The following CYP2A13 variants were observed in gnomAD, a reference collection of about 807,000 sequenced individuals.
CYP2A13 encodes cytochrome P450 2A13.
Under a neutral mutation model 39.4 loss-of-function variants are expected in CYP2A13, and 30 were observed. The ratio of observed to expected loss-of-function variants is 0.76; its 90% CI spans 0.57 to 1.03. The LOEUF (loss-of-function observed/expected upper bound fraction) is 1.03, where lower values mean the gene tolerates loss of function less well. Among genes scored for constraint, CYP2A13 ranks in the 50% least tolerant of loss-of-function variants. The pLI is 0.00. For synonymous variants in CYP2A13, 269 were observed against 254.7 expected, an observed-to-expected ratio of 1.06 and a Z score of -0.54; for missense variants, 731 against 648.4, an observed-to-expected ratio of 1.13 and a Z score of -1.38.
chr19:41,090,304 G>C (rs2031159241), intron 3 of CYP2A13, 100 bp from the exon 4 acceptor site: 3 of 1,580,858 alleles, frequency 1.9e-6, no homozygotes, highest in Admixed American at 3.5e-5. Context: ...GTCTGGCGCT[G>C]GGATTCGGCT....
Position 41,088,938 on chromosome 19 carries a change from C to T in CYP2A13, c.190C>T (p.Arg64Cys), listed in dbSNP as rs72547586. The part of the protein sequence containing the change: ...MYNSLMKISE[R>C]YGPVFTIHLG... ...CACCTGCCTCCAACAGATCAGTGAG[C>T]GCTATGGCCCTGTGTTCACCATTCA... Residue 64 changes from arginine to cysteine, a missense_variant, in exon 2 of 9, where the codon CGC becomes TGC. Physicochemically the swap from Arg to Cys is radical, Grantham distance 180. Transcript: ENST00000330436. 69 of 1,613,840 alleles carry T rather than the reference C, an allele frequency of 4.3e-5. No homozygotes were observed. The highest frequency in any genetic ancestry group is 1.4e-4 in the South Asian group (13 of 91,074).
chr19:41,093,543 A>C, intron 5 of CYP2A13, 87 bp from the exon 6 acceptor site: 1 of 1,544,848 alleles, frequency 6.5e-7, no homozygotes, highest in South Asian at 1.2e-5. Context: ...GGTCTGGACC[A>C]AAGAGAGGTA....
At position 41,090,133 on chromosome 19, in the gene CYP2A13, G is replaced by T. The variant is rs199643958; in HGVS notation, c.430G>T (p.Gly144Cys). The T allele has an allele frequency of 1.2e-6, 2 of 1,605,780 alleles. No homozygotes were observed. Among genetic ancestry groups the T allele is most frequent in the East Asian group, 2.2e-5 (1 of 44,752 alleles). The change falls in exon 3 of 9, where the codon GGC becomes TGC. Residue 144 changes from glycine (G) to cysteine (C), a missense_variant. Transcript: ENST00000330436. ...AAGGGGTTTTGGCGTGGGCAAGCGC[G>T]GCATCGAGGAACGCATCCAGGAGGA... The part of the protein sequence containing the change: ...TLRGFGVGKR[G>C]IEERIQEEAG...
At chr19:41,093,597 G>C (rs1265271312) in intron 5 of CYP2A13, 33 bp from the exon 6 acceptor site, 8 of 1,613,392 alleles carry the variant, frequency 5.0e-6, no homozygotes, top group Non-Finnish European at 6.8e-6. Flanking sequence ...AGCATGGAGA[G>C]TGAGCTTGGT....
At chr19:41,089,986 T>C in intron 2 of CYP2A13, 61 bp from the exon 3 acceptor site, 2 of 1,525,062 alleles carry the variant, frequency 1.3e-6, no homozygotes, top group Non-Finnish European at 1.8e-6. Context: ...CCCTTGGAGC[T>C]GGTCCGCTCC....
intron 6 of CYP2A13, 144 bp from the exon 7 acceptor site, chr19:41,094,101 G>T: frequency 7.4e-7 from 1 of 1,352,290 alleles, no homozygotes. Flanking sequence ...GCAACAATGC[G>T]AATGGCTGAT....
chr19:41,089,201 T>A (rs867608470), intron 2 of CYP2A13, 110 bp downstream of exon 2: 38 of 1,534,748 alleles, frequency 2.5e-5, no homozygotes, highest in African/African-American at 2.7e-5. Context: ...CAGAGCCCCC[T>A]GTCTGGTCTT....
intron 4 of CYP2A13, 67 bp downstream of exon 4, chr19:41,090,631 C>A: frequency 6.2e-7 from 1 of 1,608,672 alleles, no homozygotes; most frequent in Non-Finnish European, 8.5e-7. Flanking sequence ...TACCTGGAGA[C>A]AGGTGCCCCA....
rs997484737 is a variant in CYP2A13 at position 41,090,528 on chromosome 19, G to A, written c.618G>A (p.Leu206=). 16 of 1,614,112 alleles carry A rather than the reference G, an allele frequency of 9.9e-6. No homozygotes were observed. In the African/African-American group the frequency reaches 1.6e-4, roughly 16 times the overall value. Residue 206 remains leucine (L), a synonymous_variant, in exon 4 of 9, where the codon CTG becomes CTA. Coordinates refer to ENST00000330436, the MANE Select transcript of CYP2A13 (RefSeq NM_000766.5). ...TCCTGTCACTGTTGCGCATGATGCT[G>A]GGAAGCTTCCAGTTCACGGCAACCT... is the stretch of plus-strand genomic sequence containing the variant. The part of the protein sequence containing the change: ...KEFLSLLRMM[L]GSFQFTATST...
At position 41,095,898 on chromosome 19, in the gene CYP2A13, C is replaced by A; in HGVS notation, c.1442C>A (p.Ala481Asp). The A allele has an allele frequency of 3.1e-6, 5 of 1,613,976 alleles. No individual in the cohort carries two copies. Among genetic ancestry groups the A allele is most frequent in the Non-Finnish European group, 4.2e-6 (5 of 1,179,920 alleles). The change falls in exon 9 of 9, where the codon GCC (alanine) becomes GAC (aspartate). Residue 481 changes from alanine to aspartate, a missense_variant. Transcript: ENST00000330436. ...GTGTCCCCCAAACACGTGGGCTTTG[C>A]CACGATCCCACGAAACTACACCATG... ...IDVSPKHVGF[A>D]TIPRNYTMSF...
chr19:41,091,903 CAGGAGG>C lies in CYP2A13; in HGVS notation c.827_831+1del. 1.9e-6 allele frequency: 3 copies of C among 1,614,124 alleles called. No homozygotes were observed. The highest frequency in any genetic ancestry group is 2.5e-6 in the Non-Finnish European group (3 of 1,179,984). On this transcript the variant is annotated splice_donor_variant and coding_sequence_variant, in exon 5 of 9. Transcript: ENST00000330436. LOFTEE classifies it high-confidence loss of function. ...CATCGACTCCTTTCTCATCCGCATG[CAGGAGG>C]TACATCCCAGCAGCCAGTGCAGGCA...
At chr19:41,089,842 CT>C (rs1568366679) in intron 2 of CYP2A13, among the ~76,000 whole-genome samples, 16 of 126,562 alleles carry the variant, frequency 1.3e-4, no homozygotes, top group African/African-American at 3.6e-4. Flanking sequence ...CTCTCTCTCT[CT>C]CTCTCTCTCT....
Position 41,093,663 on chromosome 19 carries a change from A to G in CYP2A13, c.865A>G (p.Lys289Glu), listed in dbSNP as rs1205160734. The G allele has an allele frequency of 6.2e-7, 1 of 1,614,100 alleles. No homozygotes were observed. The highest frequency in any genetic ancestry group is 1.7e-5 in the Admixed American group (1 of 60,018). Residue 289 changes from lysine (K) to glutamate (E), a missense_variant, in exon 6 of 9, where the codon AAG becomes GAG. Lys to Glu is a moderately conservative substitution (Grantham distance 56). Coordinates refer to ENST00000330436, the MANE Select transcript of CYP2A13 (RefSeq NM_000766.5). ...GAACCCCAACACAGAGTTCTACTTG[A>G]AGAACCTGGTGATGACCACCCTGAA... ...EKNPNTEFYLKNLVMTTLNLF... is the reference protein window; with the variant it reads ...EKNPNTEFYLENLVMTTLNLF...
rs779688987 is a variant in CYP2A13 at position 41,095,099 on chromosome 19, C to A, written c.1302C>A (p.Ile434=). 5 of 1,614,068 alleles carry A rather than the reference C, an allele frequency of 3.1e-6. No individual in the cohort carries two copies. Among genetic ancestry groups the A allele is most frequent in the South Asian group, 1.1e-5 (1 of 91,070 alleles). ...GTGATGCTTTTGTGCCCTTTTCCAT[C>A]GGTAAGAGACCACTGTTTGCTGCCA... is the stretch of plus-strand genomic sequence containing the variant. ...KKSDAFVPFS[I]GKRYCFGEGL... Residue 434 remains isoleucine (I), a splice_region_variant and synonymous_variant, in exon 8 of 9, where the codon ATC becomes ATA. Transcript: ENST00000330436.
chr19:41,095,156 C>A lies in CYP2A13; in HGVS notation c.1303+56C>A. ...GGCTCACACCAGCAGGGGCCTCTCT[C>A]ACCCACCTCCCCTCTCTGCGGTGTA... is the stretch of plus-strand genomic sequence containing the variant. On this transcript the variant is annotated intron_variant, in intron 8 of 8. Coordinates refer to ENST00000330436, the MANE Select transcript of CYP2A13 (RefSeq NM_000766.5). The A allele has an allele frequency of 1.9e-6, 3 of 1,613,734 alleles. No homozygotes were observed. The South Asian group carries it at 3.3e-5, about 18-fold the overall frequency.
chr19:41,095,450 G>A (rs1029631967), intron 8 of CYP2A13, among the ~76,000 whole-genome samples: 4 of 152,108 alleles, frequency 2.6e-5, no homozygotes, highest in African/African-American at 9.7e-5. Context: ...ACCTGGCATG[G>A]ATCACCCCAT....
In CYP2A13 at chr19:41,088,940, C is replaced by A; in HGVS notation, c.192C>A (p.Arg64=). 6.2e-7 allele frequency: 1 copy of A among 1,614,046 alleles called. No individual in the cohort carries two copies. The highest frequency in any genetic ancestry group is 8.5e-7 in the Non-Finnish European group (1 of 1,179,958). ...CCTGCCTCCAACAGATCAGTGAGCG[C>A]TATGGCCCTGTGTTCACCATTCACT... ...MYNSLMKISE[R]YGPVFTIHLG... The change falls in exon 2 of 9, where the codon CGC becomes CGA. Residue 64 remains arginine (R), a synonymous_variant. Coordinates refer to ENST00000330436, the MANE Select transcript of CYP2A13 (RefSeq NM_000766.5).
intron 2 of CYP2A13, 132 bp from the exon 3 acceptor site, chr19:41,089,915 C>A: frequency 9.1e-7 from 1 of 1,104,654 alleles, no homozygotes; most frequent in Non-Finnish European, 1.2e-6. Context: ...CTCTCCTGGG[C>A]ACTCGCGCTG....
In CYP2A13 at chr19:41,091,726, C is replaced by A. The variant is rs370695535; in HGVS notation, c.655-6C>A. On this transcript the variant is annotated splice_region_variant and splice_polypyrimidine_tract_variant and intron_variant, in intron 4 of 8. Coordinates refer to ENST00000330436, the MANE Select transcript of CYP2A13 (RefSeq NM_000766.5). Reference sequence around the variant, plus strand: ...TTCCCTTCCCATCCTCTCTCTGCAACCCCAGCTCTATGAGATGTTCTCTTC... The same window carrying A: ...TTCCCTTCCCATCCTCTCTCTGCAAACCCAGCTCTATGAGATGTTCTCTTC... The A allele has an allele frequency of 1.1e-4, 172 of 1,613,576 alleles. No homozygotes were observed. Among genetic ancestry groups the A allele is most frequent in the Admixed American group, 1.8e-4 (11 of 59,990 alleles).
Sources: gnomAD v4.1 joint callset for allele counts (sites outside exome capture counted in the v4.1 genomes callset) on GRCh38, gnomAD v4.1.1 for gene constraint, MANE v1.5 for transcripts, NCBI Gene and HGNC (gene_info 2026-07-23, HGNC 2026-07-21) for gene names.